THRAP3: variants seen among roughly 807,000 people sequenced by gnomAD.
The protein encoded by THRAP3 is thyroid hormone receptor associated protein 3.
THRAP3 carries 16 observed loss-of-function variants against 101.0 expected under a neutral mutation model. That is an observed-to-expected ratio of 0.16 (90% CI 0.11 to 0.24). THRAP3 has a LOEUF of 0.24. Among genes scored for constraint, THRAP3 ranks in the 10% least tolerant of loss-of-function variants. The pLI is 1.00. For missense variants in THRAP3, 989 were observed against 1,202.7 expected (o/e 0.82, Z 2.63); for synonymous variants, 407 against 422.6 (o/e 0.96, Z 0.45).
At chr1:36,262,879 ACCTCCCGGGGTCACG>A (rs1278482436) in intron 2 of THRAP3, among the ~76,000 whole-genome samples, 2 of 134,940 alleles carry the variant, frequency 1.5e-5, no homozygotes, top group African/African-American at 5.7e-5. Context: ...CTACAAGTCC[ACCTCCCGGGGTCACG>A]CCATTCTCCT....
chr1:36,252,996 G>A (rs1283308394), intron 1 of THRAP3, among the ~76,000 whole-genome samples: 1 of 134,390 alleles, frequency 7.4e-6, no homozygotes, highest in East Asian at 2.3e-4. Context: ...TATAATTTTT[G>A]TAGTAACAGG....
chr1:36,298,173 A>T (rs960884625), intron 9 of THRAP3, among the ~76,000 whole-genome samples: 1 of 147,796 alleles, frequency 6.8e-6, no homozygotes, highest in African/African-American at 2.5e-5. Context: ...AAAAATCACA[A>T]GTATCAGCTG....
At position 36,287,621 on chromosome 1, in the gene THRAP3, T is replaced by C. The variant is rs957063817; in HGVS notation, c.1040+351T>C. ...TGGTCTTTGCCAAAATGAATGGCCATTGGAGCTCTTAGACCCTCTAGCACC... is the reference window on the plus strand; with the variant it reads ...TGGTCTTTGCCAAAATGAATGGCCACTGGAGCTCTTAGACCCTCTAGCACC... On this transcript the variant is annotated intron_variant, in intron 4 of 11. Transcript: ENST00000354618. 1.4e-5 allele frequency: 14 copies of C among 985,300 alleles called. No individual in the cohort carries two copies. In the African/African-American group the frequency reaches 1.7e-4, roughly 12 times the overall value. The allele number at this position is 985,300 out of a possible 1,614,324, so 61.0% of individuals were successfully genotyped here. A position where few individuals can be genotyped will look rare whatever the true frequency, so the allele number is the denominator to read the frequency against.
At chr1:36,222,756 T>A (rs978978587), upstream of THRAP3, among the ~76,000 whole-genome samples, 2 of 152,240 alleles carry the variant, frequency 1.3e-5, no homozygotes, top group African/African-American at 2.4e-5. Flanking sequence ...TATTTTGGTA[T>A]CCATCTAGTT....
chr1:36,222,700 C>T (rs529188326), upstream of THRAP3, among the ~76,000 whole-genome samples: 2 of 152,304 alleles, frequency 1.3e-5, no homozygotes, highest in East Asian at 1.9e-4. Flanking sequence ...TGAGCCACCG[C>T]GCCCGGCCTA....
intron 7 of THRAP3, among the ~76,000 whole-genome samples, chr1:36,293,122 A>G (rs182495747): frequency 3.0e-5 from 4 of 134,986 alleles, no homozygotes; most frequent in African/African-American, 8.4e-5. Context: ...TCTGCCTCCC[A>G]GGTTCAAGCA....
chr1:36,207,885 C>T, the THRAP3 span, among the ~76,000 whole-genome samples: 4 of 152,214 alleles, frequency 2.6e-5, no homozygotes, highest in South Asian at 2.1e-4. Flanking sequence ...CTCAGCCTCC[C>T]GGGTTCAAGC....
chr1:36,248,497 G>A (rs1278609180), intron 1 of THRAP3, among the ~76,000 whole-genome samples: 1 of 148,642 alleles, frequency 6.7e-6, no homozygotes, highest in Non-Finnish European at 1.5e-5. Flanking sequence ...ACCTAGTCTG[G>A]AGTACAGTGG....
intron 1 of THRAP3, among the ~76,000 whole-genome samples, chr1:36,228,256 C>T (rs1429802402): frequency 1.3e-5 from 2 of 149,324 alleles, no homozygotes; most frequent in Non-Finnish European, 3.0e-5. Context: ...TCTCTCTTGT[C>T]ACCCAGGCTG....
chr1:36,208,207 C>T, the THRAP3 span, among the ~76,000 whole-genome samples: 1 of 152,038 alleles, frequency 6.6e-6, no homozygotes, highest in East Asian at 1.9e-4. Context: ...CTCCCCCACG[C>T]TCTCTGAGCT....
chr1:36,273,738 C>T (rs780059372), intron 2 of THRAP3, among the ~76,000 whole-genome samples: 1 of 152,006 alleles, frequency 6.6e-6, no homozygotes, highest in Non-Finnish European at 1.5e-5. Flanking sequence ...GTTGCAGGTA[C>T]AAGATCAGTA....
At chr1:36,254,803 A>T (rs920348907) in intron 1 of THRAP3, among the ~76,000 whole-genome samples, 17 of 152,332 alleles carry the variant, frequency 1.1e-4, no homozygotes, top group East Asian at 7.7e-4. Flanking sequence ...AAAATTTTTT[A>T]AAACAGAAAC....
At chr1:36,294,269 A>AGG in intron 8 of THRAP3, 1 of 1,040,822 alleles carries the variant, frequency 9.6e-7, no homozygotes. Flanking sequence ...AACTGTATAC[A>AGG]TGCACTATTT....
At chr1:36,260,295 A>G (rs1238796495) in intron 2 of THRAP3, among the ~76,000 whole-genome samples, 1 of 152,106 alleles carries the variant, frequency 6.6e-6, no homozygotes, top group Non-Finnish European at 1.5e-5. Context: ...ACTATAGTAG[A>G]CATACCAGAC....
intron 7 of THRAP3, 78 bp from the exon 8 acceptor site, chr1:36,293,773 C>G: frequency 8.0e-7 from 1 of 1,245,090 alleles, no homozygotes; most frequent in Non-Finnish European, 1.2e-6. Context: ...AATCTATTAG[C>G]CAACTTAAGA....
At chr1:36,277,850 C>G (rs892429914) in intron 2 of THRAP3, among the ~76,000 whole-genome samples, 5 of 152,112 alleles carry the variant, frequency 3.3e-5, no homozygotes, top group African/African-American at 1.2e-4. Context: ...ACCTCTGCCC[C>G]CCAGGTTCAG....
Position 36,304,214 on chromosome 1 carries a change from A to T in THRAP3, c.*197A>T. ...ACAGAGGAGGCTGGCCATGGGGCCCAGGGGTCAGGCCCAGCTTTTGAGCAG... is the reference window on the plus strand; with the variant it reads ...ACAGAGGAGGCTGGCCATGGGGCCCTGGGGTCAGGCCCAGCTTTTGAGCAG... On this transcript the variant is annotated 3_prime_UTR_variant, in exon 12 of 12. Coordinates refer to ENST00000354618, the MANE Select transcript of THRAP3 (RefSeq NM_005119.4). 1 of 723,666 alleles carries T rather than the reference A, an allele frequency of 1.4e-6. No individual in the cohort carries two copies. Among genetic ancestry groups the T allele is most frequent in the Non-Finnish European group, 2.1e-6 (1 of 487,314 alleles). 44.8% of individuals were successfully genotyped at this position (723,666 alleles called of 1,614,324 possible). A position where few individuals can be genotyped will look rare whatever the true frequency, so the allele number is the denominator to read the frequency against.
chr1:36,281,373 GCTT>G (rs1258488443), intron 2 of THRAP3, among the ~76,000 whole-genome samples: 1 of 152,116 alleles, frequency 6.6e-6, no homozygotes, highest in Non-Finnish European at 1.5e-5. Context: ...TAGTCTCAAA[GCTT>G]CTTTGCTTAC....
At chr1:36,274,111 CA>C (rs1260246810) in intron 2 of THRAP3, among the ~76,000 whole-genome samples, 1 of 146,238 alleles carries the variant, frequency 6.8e-6, no homozygotes, top group East Asian at 2.0e-4. Context: ...CACACACAGA[CA>C]AAATGAGCTG....
Sources: gnomAD v4.1 joint callset for allele counts (sites outside exome capture counted in the v4.1 genomes callset) on GRCh38, gnomAD v4.1.1 for gene constraint, MANE v1.5 for transcripts, NCBI Gene and HGNC (gene_info 2026-07-23, HGNC 2026-07-21) for gene names.